NAALADL2: variants seen among roughly 807,000 people sequenced by gnomAD.
NAALADL2 encodes inactive N-acetylated-alpha-linked acidic dipeptidase-like protein 2.
A neutral mutation model predicts 87.2 loss-of-function variants in NAALADL2; 76 were observed. The ratio of observed to expected loss-of-function variants is 0.87; its 90% confidence interval spans 0.72 to 1.05. NAALADL2 has a LOEUF of 1.05. Ranked by LOEUF, NAALADL2 falls within the 50% of genes least tolerant of loss-of-function variation. The pLI, the probability that NAALADL2 is intolerant of heterozygous loss-of-function variation, is 0.00. For synonymous variants in NAALADL2, 354 were observed against 331.0 expected (o/e 1.07, Z -0.75); for missense variants, 1,089 against 945.8 (o/e 1.15, Z -1.99).
At chr3:175,062,492 G>C (rs868212740) in intron 1 of NAALADL2, among the ~76,000 whole-genome samples, 1 of 143,290 alleles carries the variant, frequency 7.0e-6, no homozygotes. Flanking sequence ...GTGTGTGTGT[G>C]TGTGTGTGTG....
At chr3:175,757,788 C>T (rs954633394) in intron 13 of NAALADL2, among the ~76,000 whole-genome samples, 8 of 151,656 alleles carry the variant, frequency 5.3e-5, no homozygotes, top group Non-Finnish European at 1.2e-4. Flanking sequence ...ATAAATGTAA[C>T]GATGTTAGAT....
At chr3:175,319,097 G>T (rs2110375794) in intron 4 of NAALADL2, among the ~76,000 whole-genome samples, 1 of 152,330 alleles carries the variant, frequency 6.6e-6, no homozygotes, top group East Asian at 1.9e-4. Context: ...ATGGGTGGGG[G>T]TGAGGATTTG....
intron 1 of NAALADL2, among the ~76,000 whole-genome samples, chr3:174,443,943 T>C (rs928102609): frequency 1.3e-5 from 2 of 151,756 alleles, no homozygotes; most frequent in African/African-American, 4.8e-5. Flanking sequence ...AAAGCTTGTT[T>C]GTAATGTGTT....
intron 1 of NAALADL2, among the ~76,000 whole-genome samples, chr3:175,049,796 T>G (rs1755135891): frequency 6.6e-6 from 1 of 152,186 alleles, no homozygotes; most frequent in Admixed American, 6.5e-5. Context: ...CTCTCTGGAT[T>G]CTGTAATAGA....
At chr3:175,178,387 A>C (rs1432704186) in intron 2 of NAALADL2, among the ~76,000 whole-genome samples, 1 of 152,056 alleles carries the variant, frequency 6.6e-6, no homozygotes, top group Non-Finnish European at 1.5e-5. Flanking sequence ...AGATAAAATA[A>C]TCTTGAGTAA....
chr3:174,938,983 CTT>C (rs761093922), intron 1 of NAALADL2, among the ~76,000 whole-genome samples: 90 of 152,104 alleles, frequency 5.9e-4, no homozygotes, highest in Non-Finnish European at 9.3e-4. Flanking sequence ...TCTGTGTACT[CTT>C]TTGCTGTGCA....
chr3:175,748,878 G>A (rs1466129480), intron 12 of NAALADL2, among the ~76,000 whole-genome samples: 1 of 151,892 alleles, frequency 6.6e-6, no homozygotes, highest in Non-Finnish European at 1.5e-5. Flanking sequence ...GCTGAGGCAG[G>A]AGGATCACTT....
At chr3:175,371,434 AT>A (rs1370470032) in intron 5 of NAALADL2, among the ~76,000 whole-genome samples, 20 of 152,062 alleles carry the variant, frequency 1.3e-4, no homozygotes, top group African/African-American at 4.1e-4. Context: ...CGCCCGGCTA[AT>A]TTTTTGGATT....
intron 10 of NAALADL2, among the ~76,000 whole-genome samples, chr3:175,591,283 CTT>C (rs1318206862): frequency 1.3e-5 from 2 of 151,968 alleles, no homozygotes; most frequent in Non-Finnish European, 2.9e-5. Flanking sequence ...TGAAATTTAA[CTT>C]AATTTAAACA....
intron 5 of NAALADL2, among the ~76,000 whole-genome samples, chr3:175,403,165 T>C (rs569310742): frequency 1.6e-4 from 25 of 152,180 alleles, no homozygotes; most frequent in African/African-American, 6.0e-4. Context: ...CTGTGAGATA[T>C]TTTTCACCTT....
chr3:175,091,914 C>T (rs1720207710), intron 1 of NAALADL2, among the ~76,000 whole-genome samples: 2 of 151,956 alleles, frequency 1.3e-5, no homozygotes, highest in South Asian at 2.1e-4. Context: ...TTCTCAACAT[C>T]TCCAGTTCTT....
chr3:174,872,875 GGAT>G (rs1450047305), intron 1 of NAALADL2, among the ~76,000 whole-genome samples: 1 of 152,068 alleles, frequency 6.6e-6, no homozygotes, highest in Non-Finnish European at 1.5e-5. Context: ...TTGTGAGTTT[GGAT>G]AACTCAGTGG....
intron 1 of NAALADL2, among the ~76,000 whole-genome samples, chr3:174,918,364 A>T (rs934522030): frequency 6.6e-6 from 1 of 152,294 alleles, no homozygotes; most frequent in East Asian, 1.9e-4. Context: ...TGAAGACTCT[A>T]ACTTTTTCTG....
chr3:175,040,381 T>C lies in NAALADL2; in HGVS notation c.44-56409T>C, dbSNP rs569761222. 5.9e-5 allele frequency among the ~76,000 whole-genome samples: 9 copies of C among 152,292 alleles called. No individual in the cohort carries two copies. The South Asian group carries it at 1.7e-3, about 28-fold the overall frequency. On this transcript the variant is annotated intron_variant, in intron 1 of 13. Transcript: ENST00000454872. ...ACCATTCACAGAGCCTGACACAAAATAGGCAGTCAATATTTGTGTAAAAGA... is the reference window on the plus strand; with the variant it reads ...ACCATTCACAGAGCCTGACACAAAACAGGCAGTCAATATTTGTGTAAAAGA...
In NAALADL2 at chr3:174,629,659, G is replaced by A. The variant is rs538270785; in HGVS notation, c.-115+79022G>A. Among the ~76,000 whole-genome samples, 65 of 152,256 alleles carry A rather than the reference G, an allele frequency of 4.3e-4. 1 individual carries two copies. In the South Asian group the frequency reaches 0.012, roughly 29 times the overall value. ...GCTTTCAAATCCTAAATCTGATACC[G>A]TTATATCTTTTCATATTCAACAAGT... On this transcript the variant is annotated intron_variant, in intron 2 of 3. Transcript: ENST00000434257.
intron 2 of NAALADL2, among the ~76,000 whole-genome samples, chr3:175,107,577 A>G (rs1227005844): frequency 6.6e-6 from 1 of 151,712 alleles, no homozygotes; most frequent in Non-Finnish European, 1.5e-5. Context: ...TCTCAGGAGA[A>G]CCCTGTTTTA....
chr3:175,582,965 C>T (rs538427208), intron 10 of NAALADL2, among the ~76,000 whole-genome samples: 4 of 152,204 alleles, frequency 2.6e-5, no homozygotes, highest in African/African-American at 7.2e-5. Context: ...TGCGTGGAGT[C>T]AACTACATTC....
At chr3:175,002,176 C>T (rs1748333539) in intron 1 of NAALADL2, among the ~76,000 whole-genome samples, 1 of 152,052 alleles carries the variant, frequency 6.6e-6, no homozygotes, top group African/African-American at 2.4e-5. Context: ...ATTCCCTGCT[C>T]TATGTGTAAA....
intron 3 of NAALADL2, among the ~76,000 whole-genome samples, chr3:174,808,371 T>C (rs570165088): frequency 1.6e-4 from 25 of 152,244 alleles, no homozygotes; most frequent in Admixed American, 4.6e-4. Flanking sequence ...ATGAAAATGG[T>C]CAAATGTAGC....
Sources: gnomAD v4.1 joint callset for allele counts (sites outside exome capture counted in the v4.1 genomes callset) on GRCh38, gnomAD v4.1.1 for gene constraint, MANE v1.5 for transcripts, NCBI Gene and HGNC (gene_info 2026-07-23, HGNC 2026-07-21) for gene names.